Variants in MTA3 observed in about 807,000 individuals in gnomAD.
MTA3 encodes metastasis associated 1 family member 3.
In MTA3, 34 loss-of-function variants were observed where a neutral mutation model predicts 83.5. The ratio of observed to expected loss-of-function variants is 0.41; its 90% CI spans 0.31 to 0.54. The LOEUF (loss-of-function observed/expected upper bound fraction) is 0.54, where lower values mean the gene tolerates loss of function less well. Ranked by LOEUF, MTA3 falls within the 20% of genes least tolerant of loss-of-function variation. MTA3 has a pLI of 0.33. For missense variants in MTA3, 761 were observed against 726.4 expected (o/e 1.05, Z -0.55); for synonymous variants, 303 against 252.7 (o/e 1.20, Z -1.89).
At chr2:42,631,011 G>C (rs1308231970) in intron 4 of MTA3, among the ~76,000 whole-genome samples, 1 of 152,098 alleles carries the variant, frequency 6.6e-6, no homozygotes, top group Admixed American at 6.6e-5. Flanking sequence ...TCTCTCTTCA[G>C]TTTGGCTGTG....
intron 8 of MTA3, among the ~76,000 whole-genome samples, chr2:42,664,613 C>G (rs1020416491): frequency 2.0e-5 from 3 of 151,502 alleles, no homozygotes; most frequent in African/African-American, 7.3e-5. Flanking sequence ...CAGCCAGTAG[C>G]TGAGATTACA....
chr2:42,581,124 G>A (rs571884990), intron 3 of MTA3, among the ~76,000 whole-genome samples: 104 of 152,192 alleles, frequency 6.8e-4, no homozygotes, highest in Admixed American at 2.2e-3. Flanking sequence ...TATAGAAAGT[G>A]TTCATTATTT....
intron 4 of MTA3, among the ~76,000 whole-genome samples, chr2:42,612,142 CA>C (rs1684297148): frequency 6.6e-6 from 1 of 151,896 alleles, no homozygotes; most frequent in East Asian, 1.9e-4. Flanking sequence ...AATTTTTGTT[CA>C]AAGAGATGGA....
chr2:42,732,622 A>G (rs1050429517), intron 16 of MTA3, among the ~76,000 whole-genome samples: 1 of 152,328 alleles, frequency 6.6e-6, no homozygotes, highest in Non-Finnish European at 1.5e-5. Flanking sequence ...GCAAATTTCT[A>G]CAGCCAGCAT....
intron 11 of MTA3, chr2:42,703,174 G>T (rs1269132143): frequency 6.6e-6 from 1 of 152,212 alleles, no homozygotes; most frequent in Admixed American, 6.5e-5. Context: ...TGTTGCCCAG[G>T]CTGGTCTCCG....
intron 16 of MTA3, among the ~76,000 whole-genome samples, chr2:42,735,786 C>T (rs960593124): frequency 6.6e-6 from 1 of 152,138 alleles, no homozygotes; most frequent in Admixed American, 6.5e-5. Flanking sequence ...GCATTTTTCG[C>T]TCCAGAATTT....
At position 42,724,277 on chromosome 2, in the gene MTA3, A is replaced by ACACACACACACACAC. The variant is rs1553396461; in HGVS notation, c.1759+1242_1759+1243insCACACACACACACAC. Among the ~76,000 whole-genome samples the ACACACACACACACAC allele has an allele frequency of 2.7e-3, 199 of 73,182 alleles. 3 individuals carry two copies. Among genetic ancestry groups the ACACACACACACACAC allele is most frequent in the African/African-American group, 5.4e-3 (88 of 16,446 alleles). 48.0% of individuals were successfully genotyped at this position (73,182 alleles called of 152,430 possible). ...AGAAGGTATAAAGTAAGTCCTGAAA[A>ACACACACACACACAC]ACACACACACACACACACACACACA... On this transcript the variant is annotated intron_variant, in intron 16 of 16. Coordinates refer to ENST00000405094, the MANE Select transcript of MTA3 (RefSeq NM_001330442.2).
intron 5 of MTA3, among the ~76,000 whole-genome samples, chr2:42,643,273 G>C (rs1011830702): frequency 1.3e-5 from 2 of 152,090 alleles, no homozygotes; most frequent in Non-Finnish European, 2.9e-5. Flanking sequence ...AGTAGGGACA[G>C]GTCCTTCCAG....
intron 2 of MTA3, among the ~76,000 whole-genome samples, chr2:42,575,137 GCTTA>G (rs1264028243): frequency 6.6e-6 from 1 of 152,162 alleles, no homozygotes; most frequent in Non-Finnish European, 1.5e-5. Flanking sequence ...GCTCTGCCTT[GCTTA>G]CTTGGCACAA....
intron 16 of MTA3, among the ~76,000 whole-genome samples, chr2:42,736,113 G>A (rs1668592308): frequency 6.6e-6 from 1 of 152,112 alleles, no homozygotes; most frequent in African/African-American, 2.4e-5. Context: ...AAGGGATTTG[G>A]GTGTTGTGAT....
intron 3 of MTA3, among the ~76,000 whole-genome samples, chr2:42,582,143 C>A (rs899344187): frequency 1.3e-5 from 2 of 152,004 alleles, no homozygotes; most frequent in Non-Finnish European, 2.9e-5. Context: ...CTGCAAGCTC[C>A]GCCTCCCAGG....
upstream of MTA3, among the ~76,000 whole-genome samples, chr2:42,566,681 C>G (rs1677923676): frequency 6.6e-6 from 1 of 152,262 alleles, no homozygotes; most frequent in East Asian, 1.9e-4. Flanking sequence ...GAGCACTAAG[C>G]TTGGGAAATG....
intron 1 of MTA3, 88 bp from the exon 2 acceptor site, chr2:42,570,349 C>G: frequency 1.4e-6 from 1 of 721,256 alleles, no homozygotes; most frequent in Non-Finnish European, 2.2e-6. Flanking sequence ...TAATTTCAAA[C>G]GTGAAATGCC....
At chr2:42,706,953 C>T (rs1666145195) in intron 12 of MTA3, among the ~76,000 whole-genome samples, 1 of 152,010 alleles carries the variant, frequency 6.6e-6, no homozygotes. Flanking sequence ...TTCTCTCCTC[C>T]CCTACTCCCT....
intron 15 of MTA3, among the ~76,000 whole-genome samples, chr2:42,722,315 A>G (rs1033983355): frequency 6.6e-6 from 1 of 152,204 alleles, no homozygotes; most frequent in Non-Finnish European, 1.5e-5. Context: ...ATATCCTTGG[A>G]TAAAGCATTT....
intron 7 of MTA3, among the ~76,000 whole-genome samples, chr2:42,656,878 A>G (rs1404891225): frequency 2.0e-5 from 3 of 152,262 alleles, no homozygotes; most frequent in East Asian, 1.9e-4. Context: ...GTATACTCAT[A>G]TAGTGAAATA....
chr2:42,683,604 T>C (rs533455583), intron 9 of MTA3, among the ~76,000 whole-genome samples: 1 of 152,318 alleles, frequency 6.6e-6, no homozygotes, highest in South Asian at 2.1e-4. Context: ...AGCTTGTTTT[T>C]CTGCAACTAG....
chr2:42,549,202 A>G (rs1241158603), intron 2 of MTA3, among the ~76,000 whole-genome samples: 1 of 136,960 alleles, frequency 7.3e-6, no homozygotes, highest in African/African-American at 2.7e-5. Flanking sequence ...ATATATGTAT[A>G]TAATATATTA....
intron 4 of MTA3, among the ~76,000 whole-genome samples, chr2:42,628,206 T>TTTTTTTTA (rs370733948): frequency 2.1e-5 from 3 of 142,522 alleles, no homozygotes; most frequent in Non-Finnish European, 3.0e-5. Flanking sequence ...CTTCTTATCG[T>TTTTTTTTA]TTTATTTATT....
Sources: gnomAD v4.1 joint callset for allele counts (sites outside exome capture counted in the v4.1 genomes callset) on GRCh38, gnomAD v4.1.1 for gene constraint, MANE v1.5 for transcripts, NCBI Gene and HGNC (gene_info 2026-07-23, HGNC 2026-07-21) for gene names.